CERS3: variants seen among roughly 807,000 people sequenced by gnomAD.
CERS3 encodes ceramide synthase 3.
A neutral mutation model predicts 50.3 loss-of-function variants in CERS3; 33 were observed. The ratio of observed to expected loss-of-function variants is 0.66; its 90% CI spans 0.50 to 0.88. CERS3 has a LOEUF of 0.88. CERS3 is among the 40% of genes least tolerant of loss of function. CERS3 has a pLI of 0.00. For synonymous variants in CERS3, 176 were observed against 155.2 expected, an observed-to-expected ratio of 1.13 and a Z score of -0.99; for missense variants, 470 against 460.3, an observed-to-expected ratio of 1.02 and a Z score of -0.19.
rs758046951 is a variant in CERS3 at position 100,472,977 on chromosome 15, G to A, written c.685C>T (p.Arg229Cys). 6 of 1,613,690 alleles carry A rather than the reference G, an allele frequency of 3.7e-6. No homozygotes were observed. The highest frequency in any genetic ancestry group is 2.2e-5 in the South Asian group (2 of 91,064). Reference protein sequence around the residue: ...MSFSWCANYIRSGTLVMIVHD... With the variant: ...MSFSWCANYICSGTLVMIVHD... ...ACAATCATCACGAGGGTCCCACTGC[G>A]AATATAATTAGCACACCAAGAGAAG... Residue 229 changes from arginine (R) to cysteine (C), a missense_variant, in exon 9 of 12, where the codon CGC becomes TGC. Coordinates refer to ENST00000679737, the MANE Select transcript of CERS3 (RefSeq NM_001378789.1).
chr15:100,502,006 G>T (rs907118561), intron 2 of CERS3, among the ~76,000 whole-genome samples, 156 bp from the exon 3 acceptor site: 1 of 151,974 alleles, frequency 6.6e-6, no homozygotes, highest in Admixed American at 6.6e-5. Context: ...CAGCACTTTG[G>T]GAGACCAAGG....
At chr15:100,521,458 C>T (rs1011822585) in intron 2 of CERS3, among the ~76,000 whole-genome samples, 1 of 152,072 alleles carries the variant, frequency 6.6e-6, no homozygotes, top group African/African-American at 2.4e-5. Flanking sequence ...GAAGCTTTCT[C>T]CTGCATCTCC....
intron 11 of CERS3, among the ~76,000 whole-genome samples, chr15:100,427,191 C>T (rs1298486933): frequency 1.3e-5 from 2 of 152,124 alleles, no homozygotes; most frequent in Admixed American, 6.5e-5. Context: ...ATACGGTCCT[C>T]TGCAGCAGGC....
intron 1 of CERS3, chr15:100,544,001 G>A (rs1033460970): frequency 5.0e-5 from 3 of 59,834 alleles, no homozygotes; most frequent in Non-Finnish European, 1.9e-4. Context: ...AGGAGGCTTT[G>A]TAGCCGGGGG....
chr15:100,516,182 G>T (rs927023593), intron 2 of CERS3, among the ~76,000 whole-genome samples: 1 of 152,168 alleles, frequency 6.6e-6, no homozygotes, highest in African/African-American at 2.4e-5. Flanking sequence ...GGTTAGAAAG[G>T]GGTGGGTAAG....
chr15:100,492,527 T>G (rs1293414426), intron 3 of CERS3, among the ~76,000 whole-genome samples: 2 of 152,194 alleles, frequency 1.3e-5, no homozygotes, highest in Non-Finnish European at 2.9e-5. Flanking sequence ...GCTACTCCAG[T>G]CCTCTTTTAG....
chr15:100,464,462 C>A (rs2034650207), intron 10 of CERS3, among the ~76,000 whole-genome samples: 1 of 152,198 alleles, frequency 6.6e-6, no homozygotes, highest in South Asian at 2.1e-4. Flanking sequence ...TCAGCTGTGA[C>A]AGACACTGAA....
At chr15:100,445,621 A>G (rs2033901918) in intron 11 of CERS3, among the ~76,000 whole-genome samples, 1 of 151,978 alleles carries the variant, frequency 6.6e-6, no homozygotes, top group African/African-American at 2.4e-5. Flanking sequence ...CCTTACCACA[A>G]AATCTTCCTT....
chr15:100,520,529 T>C (rs1429143391), intron 2 of CERS3, among the ~76,000 whole-genome samples: 1 of 152,216 alleles, frequency 6.6e-6, no homozygotes, highest in Non-Finnish European at 1.5e-5. Flanking sequence ...GCACTTTCTT[T>C]GTGAGCAGGA....
intron 11 of CERS3, among the ~76,000 whole-genome samples, chr15:100,417,963 A>G (rs2032087528): frequency 1.3e-5 from 2 of 152,160 alleles, no homozygotes; most frequent in Admixed American, 1.3e-4. Context: ...AAAGTAGATA[A>G]AACCACAAAG....
At chr15:100,447,300 A>C (rs1346725585) in intron 11 of CERS3, among the ~76,000 whole-genome samples, 1 of 152,184 alleles carries the variant, frequency 6.6e-6, no homozygotes, top group East Asian at 1.9e-4. Context: ...TTATCTAATA[A>C]CTCTTTCAAG....
rs55685908 is a variant in CERS3, at chr15:100,467,745, T to TTC, written c.845+1631_845+1632dup. 9.3e-3 allele frequency among the ~76,000 whole-genome samples: 348 copies of TTC among 37,250 alleles called. 4 individuals are homozygous for TTC. Among genetic ancestry groups the TTC allele is most frequent in the African/African-American group, 0.018 (275 of 15,496 alleles). 24.4% of individuals were successfully genotyped at this position (37,250 alleles called of 152,430 possible). The stretch of plus-strand genomic sequence containing the variant: ...ATTATTCTATCAATAATTGCTATCA[T>TTC]TCTCTCTCTCTCTCTCTCTCTCTCT... On this transcript the variant is annotated intron_variant, in intron 10 of 11. Coordinates refer to ENST00000679737, the MANE Select transcript of CERS3 (RefSeq NM_001378789.1).
chr15:100,407,108 G>A (rs1406947820), intron 11 of CERS3, among the ~76,000 whole-genome samples: 3 of 152,190 alleles, frequency 2.0e-5, no homozygotes, highest in Non-Finnish European at 4.4e-5. Flanking sequence ...TACAATTCAA[G>A]ATGAGTTTTG....
At chr15:100,511,026 G>A (rs562646057) in intron 2 of CERS3, among the ~76,000 whole-genome samples, 9 of 152,290 alleles carry the variant, frequency 5.9e-5, no homozygotes, top group Non-Finnish European at 1.2e-4. Context: ...GGTAACTCAC[G>A]CCTCTAATCC....
intron 4 of CERS3, 157 bp downstream of exon 4, chr15:100,490,660 A>C (rs968896464): frequency 3.4e-6 from 2 of 589,620 alleles, no homozygotes; most frequent in Admixed American, 3.4e-5. Flanking sequence ...GATGTTCTAA[A>C]CCTGTCAACA....
intron 3 of CERS3, among the ~76,000 whole-genome samples, chr15:100,494,198 C>T: frequency 7.9e-6 from 1 of 126,442 alleles, no homozygotes; most frequent in Admixed American, 8.2e-5. Context: ...GCTTAGTCAC[C>T]TTTTTTCTTT....
intron 2 of CERS3, among the ~76,000 whole-genome samples, chr15:100,516,705 G>A (rs2036500144): frequency 6.6e-6 from 1 of 152,166 alleles, no homozygotes; most frequent in Non-Finnish European, 1.5e-5. Flanking sequence ...TCTCACTACT[G>A]GATATAGATA....
chr15:100,462,031 C>T lies in CERS3; in HGVS notation c.846-5985G>A, dbSNP rs955061723. 2.6e-4 allele frequency among the ~76,000 whole-genome samples: 40 copies of T among 152,336 alleles called. 1 individual carries two copies. The highest frequency in any genetic ancestry group is 8.2e-4 in the African/African-American group (34 of 41,580). The stretch of plus-strand genomic sequence containing the variant: ...CCTTCCCAGCTCTCTTCCTAACACA[C>T]GTGCATACATGTGTGCAGGCACATG... On this transcript the variant is annotated intron_variant, in intron 10 of 11. Transcript: ENST00000679737.
chr15:100,481,517 A>C (rs2035300891), intron 5 of CERS3, among the ~76,000 whole-genome samples: 1 of 152,366 alleles, frequency 6.6e-6, no homozygotes, highest in Non-Finnish European at 1.5e-5. Context: ...CCACAAATGA[A>C]GCCAAAAGTG....
Sources: gnomAD v4.1 joint callset for allele counts (sites outside exome capture counted in the v4.1 genomes callset) on GRCh38, gnomAD v4.1.1 for gene constraint, MANE v1.5 for transcripts, NCBI Gene and HGNC (gene_info 2026-07-23, HGNC 2026-07-21) for gene names.